The following RETREG2 variants were observed in gnomAD, a reference collection of about 807,000 sequenced individuals.
The protein encoded by RETREG2 is reticulophagy regulator 2.
RETREG2 carries 21 observed loss-of-function variants against 51.6 expected under a neutral mutation model. The observed-to-expected ratio is 0.41, with a 90% CI of 0.29 to 0.59. The LOEUF is 0.59. Among genes scored for constraint, RETREG2 ranks in the 20% least tolerant of loss-of-function variants. The pLI is 0.34. For missense variants in RETREG2, 674 were observed against 646.0 expected (o/e 1.04, Z -0.47); for synonymous variants, 339 against 288.6 (o/e 1.17, Z -1.77).
Position 219,182,756 on chromosome 2 carries a change from T to C in RETREG2, c.*127T>C. ...GGGAAGCTGGCTGTCGGATGGTAGC[T>C]ATTCCACCCTCTGCCTGCCTGCCTG... On this transcript the variant is annotated 3_prime_UTR_variant, in exon 9 of 9. Transcript: ENST00000430297. 9.1e-7 allele frequency: 1 copy of C among 1,104,556 alleles called. No individual in the cohort carries two copies. Among genetic ancestry groups the C allele is most frequent in the Non-Finnish European group, 1.3e-6 (1 of 775,738 alleles). The allele number at this position is 1,104,556 out of a possible 1,614,324, so 68.4% of individuals were successfully genotyped here.
rs149413533 is a variant in RETREG2, at chr2:219,179,439, C to T, written c.389-294C>T. The stretch of plus-strand genomic sequence containing the variant: ...CTTATGATAGTGTTTCACATATAAG[C>T]CTTATAAATAGAACGTCAGTGTTGT... On this transcript the variant is annotated intron_variant, in intron 2 of 8. Transcript: ENST00000430297. Among the ~76,000 whole-genome samples, 14 of 152,274 alleles carry T rather than the reference C, an allele frequency of 9.2e-5. No homozygotes were observed. In the South Asian group the frequency reaches 2.7e-3, roughly 29 times the overall value.
chr2:219,182,354 C>A lies in RETREG2; in HGVS notation c.1357C>A (p.Leu453Ile). The change falls in exon 9 of 9, where the codon CTT becomes ATT. Residue 453 changes from leucine (L) to isoleucine (I), a missense_variant. Transcript: ENST00000430297. ...TALPGTLSPPLCLVGSDPAPS... is the reference protein window; with the variant it reads ...TALPGTLSPPICLVGSDPAPS... ...TCTGCCCGGCACCCTGTCACCTCCA[C>A]TTTGCCTTGTTGGAAGTGACCCAGC... 3 of 1,614,044 alleles carry A rather than the reference C, an allele frequency of 1.9e-6. No individual in the cohort carries two copies. The highest frequency in any genetic ancestry group is 2.2e-5 in the South Asian group (2 of 91,078).
intron 3 of RETREG2, 157 bp downstream of exon 3, chr2:219,179,920 C>T (rs776622108): frequency 2.7e-6 from 3 of 1,119,602 alleles, no homozygotes; most frequent in Non-Finnish European, 2.7e-6. Flanking sequence ...TAGGTGTTTG[C>T]GTGCCTGCTC....
Position 219,181,742 on chromosome 2 carries a change from G to A in RETREG2, c.982G>A (p.Ala328Thr), listed in dbSNP as rs748560296. The A allele has an allele frequency of 5.0e-6, 8 of 1,613,948 alleles. No homozygotes were observed. In the Admixed American group the frequency reaches 1.0e-4, roughly 20 times the overall value. Residue 328 changes from alanine (A) to threonine (T), a missense_variant, in exon 8 of 9, where the codon GCC becomes ACC. Transcript: ENST00000430297. ...GAGTGGTGGCTTCTCCGTATCCCGG[G>A]CCACAACTCCGCAGCTGACTGATGT... The part of the protein sequence containing the change: ...LESGGFSVSR[A>T]TTPQLTDVSE...
rs144441706 is a variant in RETREG2 at position 219,182,335 on chromosome 2, C to T, written c.1338C>T (p.Pro446=). The T allele has an allele frequency of 9.2e-5, 149 of 1,614,086 alleles. No homozygotes were observed. In the African/African-American group the frequency reaches 1.5e-3, roughly 17 times the overall value. Residue 446 remains proline (P), a synonymous_variant, in exon 9 of 9, where the codon CCC becomes CCT. Transcript: ENST00000430297. ...TGAGTGGTGGCCTCACTGCTCTGCC[C>T]GGCACCCTGTCACCTCCACTTTGCC... ...ETVSGGLTAL[P]GTLSPPLCLV...
intron 3 of RETREG2, 155 bp from the exon 4 acceptor site, chr2:219,179,955 T>TTCTAAGA: frequency 8.3e-7 from 1 of 1,203,146 alleles, no homozygotes; most frequent in Non-Finnish European, 1.2e-6. Flanking sequence ...GGTTGGGTCC[T>TTCTAAGA]CCTGGCTTTG....
Position 219,183,167 on chromosome 2 carries a change from G to GCTC in RETREG2, c.*538_*539insCTC, listed in dbSNP as rs1950307815. On this transcript the variant is annotated 3_prime_UTR_variant, in exon 9 of 9. Coordinates refer to ENST00000430297, the MANE Select transcript of RETREG2 (RefSeq NM_024293.6). ...GTGGGCACTGGCCAAGCTTTAGGGA[G>GCTC]GCTCCTGGTCTGGGAAGTAAAGAGT... 1 of 162,776 alleles carries GCTC rather than the reference G, an allele frequency of 6.1e-6. No homozygotes were observed. The highest frequency in any genetic ancestry group is 2.4e-5 in the African/African-American group (1 of 41,582). 10.1% of individuals were successfully genotyped at this position (162,776 alleles called of 1,614,324 possible). A position where few individuals can be genotyped will look rare whatever the true frequency, so the allele number is the denominator to read the frequency against.
intron 7 of RETREG2, 42 bp from the exon 8 acceptor site, chr2:219,181,598 T>A (rs200491893): frequency 2.4e-5 from 38 of 1,609,694 alleles, no homozygotes; most frequent in Admixed American, 2.2e-4. Context: ...ATTGGTTCTC[T>A]TATCCCCTCA....
Position 219,183,987 on chromosome 2 carries a change from C to T in RETREG2, c.*1358C>T, listed in dbSNP as rs1192946962. 6.6e-6 allele frequency: 1 copy of T among 152,212 alleles called. No individual in the cohort carries two copies. The allele number at this position is 152,212 out of a possible 1,614,324, so 9.4% of individuals were successfully genotyped here. On this transcript the variant is annotated 3_prime_UTR_variant, in exon 9 of 9. Coordinates refer to ENST00000430297, the MANE Select transcript of RETREG2 (RefSeq NM_024293.6). The stretch of plus-strand genomic sequence containing the variant: ...CTGAGTCCATTGTATGTGCTTGGCT[C>T]TGCTCTGAGTGATTTATATGTATTA...
Position 219,184,830 on chromosome 2 carries a change from T to TTTTTTTTTTTTTTTTTTTTTTTTTG in RETREG2, c.*2215_*2216insTTTTTTTTTTGTTTTTTTTTTTTTT, listed in dbSNP as rs1559224185. On this transcript the variant is annotated 3_prime_UTR_variant, in exon 9 of 9. Coordinates refer to ENST00000430297, the MANE Select transcript of RETREG2 (RefSeq NM_024293.6). Reference sequence around the variant, plus strand: ...TGGTTTTTTGTTTTTTGTGGGTTTTTTTTTTTTTTTTTTTGAGACGGAGTC... The same window carrying TTTTTTTTTTTTTTTTTTTTTTTTTG: ...TGGTTTTTTGTTTTTTGTGGGTTTTTTTTTTTTTTTTTTTTTTTTTTTTTGTTTTTTTTTTTTTTGAGACGGAGTC... 7.5e-6 allele frequency: 1 copy of TTTTTTTTTTTTTTTTTTTTTTTTTG among 134,156 alleles called. No individual in the cohort carries two copies. The allele number at this position is 134,156 out of a possible 1,614,324, so 8.3% of individuals were successfully genotyped here.
chr2:219,179,121 C>A, intron 2 of RETREG2, 93 bp downstream of exon 2: 1 of 917,644 alleles, frequency 1.1e-6, no homozygotes, highest in Non-Finnish European at 1.8e-6. Context: ...GAACGTACAG[C>A]AGGCCACCTG....
rs1178847261 is a variant in RETREG2, at chr2:219,182,868, A to C, written c.*239A>C. On this transcript the variant is annotated 3_prime_UTR_variant, in exon 9 of 9. Coordinates refer to ENST00000430297, the MANE Select transcript of RETREG2 (RefSeq NM_024293.6). ...TTTTCCATTTGGGTTAGTGGATGTG[A>C]ACAGGGCTAGGGAAGTCCTTCCCAC... 1 of 565,494 alleles carries C rather than the reference A, an allele frequency of 1.8e-6. No individual in the cohort carries two copies. The highest frequency in any genetic ancestry group is 2.1e-5 in the South Asian group (1 of 47,940). 35.0% of individuals were successfully genotyped at this position (565,494 alleles called of 1,614,324 possible).
chr2:219,181,124 C>T lies in RETREG2; in HGVS notation c.703C>T (p.Arg235Cys), dbSNP rs775202480. The T allele has an allele frequency of 7.4e-6, 12 of 1,614,144 alleles. No homozygotes were observed. The highest frequency in any genetic ancestry group is 4.4e-5 in the South Asian group (4 of 91,082). Reference protein sequence around the residue: ...YHELIQRMYTRLEPLLMQLDY... With the variant: ...YHELIQRMYTCLEPLLMQLDY... ...TGAGCTGATCCAGAGGATGTACACT[C>T]GCCTGGAGCCCCTGCTCATGCAGCT... The change falls in exon 6 of 9, where the codon CGC becomes TGC. Residue 235 changes from arginine to cysteine, a missense_variant. Physicochemically the swap from Arg to Cys is radical, Grantham distance 180. Transcript: ENST00000430297.
rs950380726 is a variant in RETREG2 at position 219,182,600 on chromosome 2, C to A, written c.1603C>A (p.Gln535Lys). ...CATCCATTCTCTGGTACAGTCAGAC[C>A]AAGAAGCTCAGGCCGTGGCAGAGCC... The part of the protein sequence containing the change: ...PDIHSLVQSD[Q>K]EAQAVAEP Residue 535 changes from glutamine to lysine, a missense_variant, in exon 9 of 9, where the codon CAA (glutamine) becomes AAA (lysine). Gln to Lys is a moderately conservative substitution (Grantham distance 53, BLOSUM62 1). Coordinates refer to ENST00000430297, the MANE Select transcript of RETREG2 (RefSeq NM_024293.6). The A allele has an allele frequency of 6.2e-7, 1 of 1,614,134 alleles. No homozygotes were observed. Among genetic ancestry groups the A allele is most frequent in the Non-Finnish European group, 8.5e-7 (1 of 1,180,010 alleles).
At position 219,180,556 on chromosome 2, in the gene RETREG2, C is replaced by T. The variant is rs1950263450; in HGVS notation, c.556-114C>T. ...CATCCTCTTAACCAAACTGGACCAC[C>T]CCATTCCTTGAGTACATACCCATCC... On this transcript the variant is annotated intron_variant, in intron 4 of 8. Coordinates refer to ENST00000430297, the MANE Select transcript of RETREG2 (RefSeq NM_024293.6). 11 of 1,570,652 alleles carry T rather than the reference C, an allele frequency of 7.0e-6. No homozygotes were observed. In the South Asian group the frequency reaches 8.3e-5, roughly 12 times the overall value.
Position 219,181,981 on chromosome 2 carries a change from G to C in RETREG2, c.1016-32G>C, listed in dbSNP as rs766237470. 2.5e-6 allele frequency: 4 copies of C among 1,605,692 alleles called. No individual in the cohort carries two copies. In the East Asian group the frequency reaches 6.7e-5, roughly 27 times the overall value. ...GTTGTGGCTAATCAGACCAGCAGCA[G>C]GCCCATTCTTAATTCTTTGTTCTCT... On this transcript the variant is annotated intron_variant, in intron 8 of 8. Coordinates refer to ENST00000430297, the MANE Select transcript of RETREG2 (RefSeq NM_024293.6).
intron 2 of RETREG2, 91 bp downstream of exon 2, chr2:219,179,119 A>G (rs1158390010): frequency 1.5e-5 from 14 of 940,288 alleles, no homozygotes; most frequent in Non-Finnish European, 2.3e-5. Context: ...GGGAACGTAC[A>G]GCAGGCCACC....
rs1432548042 is a variant in RETREG2 at position 219,178,614 on chromosome 2, G to A, written c.262G>A (p.Ala88Thr). Residue 88 changes from alanine to threonine, a missense_variant, in exon 1 of 9, where the codon GCG becomes ACG. Coordinates refer to ENST00000430297, the MANE Select transcript of RETREG2 (RefSeq NM_024293.6). ...KPLHSLVTAA[A>T]LNGLFWLLSS... ...GCTGCACAGCCTGGTCACGGCGGCC[G>A]CGCTCAACGGCCTCTTCTGGTAACG... 6.9e-7 allele frequency: 1 copy of A among 1,458,772 alleles called. No homozygotes were observed. The highest frequency in any genetic ancestry group is 9.0e-7 in the Non-Finnish European group (1 of 1,114,582). 90.4% of individuals were successfully genotyped at this position (1,458,772 alleles called of 1,614,324 possible).
chr2:219,178,398 C>T lies in RETREG2; in HGVS notation c.46C>T (p.Pro16Ser). The stretch of plus-strand genomic sequence containing the variant: ...GGGTAACACTGGCGCGGGTGGGGGG[C>T]CGGGGATGGGCCTGAGCCTGGGCCT... The part of the protein sequence containing the change: ...GGGNTGAGGG[P>S]GMGLSLGLGL... Residue 16 changes from proline (P) to serine (S), a missense_variant, in exon 1 of 9, where the codon CCG becomes TCG. Transcript: ENST00000430297. 2.0e-6 allele frequency: 1 copy of T among 504,484 alleles called. No individual in the cohort carries two copies. The allele number at this position is 504,484 out of a possible 1,614,324, so 31.3% of individuals were successfully genotyped here.
Sources: gnomAD v4.1 joint callset for allele counts (sites outside exome capture counted in the v4.1 genomes callset) on GRCh38, gnomAD v4.1.1 for gene constraint, MANE v1.5 for transcripts, NCBI Gene and HGNC (gene_info 2026-07-23, HGNC 2026-07-21) for gene names.